The following ITPR2 variants were observed in gnomAD, a reference collection of about 807,000 sequenced individuals.
ITPR2 encodes inositol 1,4,5-trisphosphate receptor type 2, also known as inositol 1,4,5-trisphosphate-gated calcium channel ITPR2.
A neutral mutation model predicts 317.1 loss-of-function variants in ITPR2; 207 were observed. The ratio of observed to expected loss-of-function variants is 0.65; its 90% CI spans 0.58 to 0.73. ITPR2 has a LOEUF of 0.73. Ranked by LOEUF, ITPR2 falls within the 30% of genes least tolerant of loss-of-function variation. ITPR2 has a pLI of 0.00. For synonymous variants in ITPR2, 1,156 were observed against 1,149.1 expected, an observed-to-expected ratio of 1.01 and a Z score of -0.12; for missense variants, 2,613 against 3,284.0, an observed-to-expected ratio of 0.80 and a Z score of 4.99.
chr12:26,784,347 C>CCGCGG (rs1950163532), intron 2 of ITPR2, among the ~76,000 whole-genome samples: 1 of 47,062 alleles, frequency 2.1e-5, no homozygotes, highest in Non-Finnish European at 6.5e-5. Context: ...CCCTCTCCCT[C>CCGCGG]TCCCTCTCCC....
At chr12:26,380,071 A>G (rs1342431766) in intron 55 of ITPR2, among the ~76,000 whole-genome samples, 2 of 152,130 alleles carry the variant, frequency 1.3e-5, no homozygotes, top group African/African-American at 4.8e-5. Context: ...TGGCAATTCT[A>G]CCCATGAAAA....
At chr12:26,666,291 A>C (rs7302426) in intron 13 of ITPR2, among the ~76,000 whole-genome samples, 51,837 of 152,076 alleles carry the variant, frequency 0.34, 9,719 homozygotes, top group East Asian at 0.64. Context: ...GACAAAAGAT[A>C]ATCTCTAAGG....
intron 1 of ITPR2, among the ~76,000 whole-genome samples, chr12:26,823,457 T>C (rs773541918): frequency 6.6e-5 from 10 of 152,118 alleles, no homozygotes; most frequent in Non-Finnish European, 1.2e-4. Context: ...CAGATAACAA[T>C]TAAAGTAACA....
At chr12:26,556,566 T>TTTTGTGTGTG (rs370599538) in intron 35 of ITPR2, among the ~76,000 whole-genome samples, 191 bp from the exon 36 acceptor site, 16 of 136,194 alleles carry the variant, frequency 1.2e-4, no homozygotes, top group South Asian at 7.1e-4. Context: ...ATTTTTTTTT[T>TTTTGTGTGTG]TGTGTGTGTG....
At chr12:26,344,635 G>T (rs932297399) in intron 55 of ITPR2, among the ~76,000 whole-genome samples, 9 of 146,816 alleles carry the variant, frequency 6.1e-5, no homozygotes, top group Non-Finnish European at 1.1e-4. Flanking sequence ...TTGAGCCACA[G>T]AACTCCCTTT....
chr12:26,660,837 A>T (rs1231737782), intron 15 of ITPR2, among the ~76,000 whole-genome samples: 1 of 152,070 alleles, frequency 6.6e-6, no homozygotes, highest in Non-Finnish European at 1.5e-5. Context: ...TAATAAATAG[A>T]TCTTCAATAT....
At chr12:26,556,763 G>T (rs1225701879) in intron 35 of ITPR2, among the ~76,000 whole-genome samples, 1 of 134,412 alleles carries the variant, frequency 7.4e-6, no homozygotes, top group African/African-American at 2.7e-5. Context: ...GAATACCCAG[G>T]GAACAGCTTA....
chr12:26,627,999 A>C (rs756166979), intron 23 of ITPR2, 34 bp downstream of exon 23: 1 of 1,547,978 alleles, frequency 6.5e-7, no homozygotes, highest in Non-Finnish European at 8.7e-7. Context: ...AGAAAAATAA[A>C]ATAAAAAGAG....
chr12:26,783,610 G>A (rs1364036029), intron 2 of ITPR2, among the ~76,000 whole-genome samples: 3 of 152,042 alleles, frequency 2.0e-5, no homozygotes, highest in African/African-American at 7.2e-5. Flanking sequence ...ACAGGAAAAA[G>A]CAAAAGAATA....
At chr12:26,507,863 C>CTCTCTCTGTGTG (rs372756412) in intron 37 of ITPR2, among the ~76,000 whole-genome samples, 4 of 132,202 alleles carry the variant, frequency 3.0e-5, no homozygotes, top group African/African-American at 1.1e-4. Context: ...CTCTCTGTCT[C>CTCTCTCTGTGTG]TGTGTGTGTG....
At chr12:26,768,427 A>T (rs1197902637) in intron 2 of ITPR2, among the ~76,000 whole-genome samples, 4 of 60,046 alleles carry the variant, frequency 6.7e-5, no homozygotes, top group African/African-American at 1.5e-4. Context: ...AAAAAAATTA[A>T]AAAAAAATAA....
At chr12:26,771,791 G>A (rs1411353730) in intron 2 of ITPR2, among the ~76,000 whole-genome samples, 1 of 152,136 alleles carries the variant, frequency 6.6e-6, no homozygotes, top group African/African-American at 2.4e-5. Flanking sequence ...GGGATTACAG[G>A]CATAAGCCAC....
chr12:26,353,787 G>C (rs1209990099), intron 55 of ITPR2, among the ~76,000 whole-genome samples: 1 of 152,104 alleles, frequency 6.6e-6, no homozygotes, highest in Non-Finnish European at 1.5e-5. Flanking sequence ...CACTGTAGAT[G>C]ACTTATTAGA....
chr12:26,490,530 T>C (rs975068462), intron 39 of ITPR2, among the ~76,000 whole-genome samples: 1 of 152,106 alleles, frequency 6.6e-6, no homozygotes, highest in African/African-American at 2.4e-5. Flanking sequence ...GCGGCAGAAA[T>C]GGCCGGGCGC....
In ITPR2 at chr12:26,556,387, A is replaced by G; in HGVS notation, c.4822-12T>C. On this transcript the variant is annotated splice_polypyrimidine_tract_variant and intron_variant, in intron 35 of 56. Transcript: ENST00000381340. ...GAGGCCACTACATCCTAGGGAATGA[A>G]ACACAAGAGAACCCACATGAAGGCG... 6.2e-7 allele frequency: 1 copy of G among 1,605,110 alleles called. No individual in the cohort carries two copies. Among genetic ancestry groups the G allele is most frequent in the Middle Eastern group, 1.7e-4 (1 of 6,006 alleles).
rs1477756900 is a variant in ITPR2 at position 26,622,296 on chromosome 12, G to C, written c.3232C>G (p.Gln1078Glu). ...DYPPLLSGAL[Q>E]LLFKHFSQRA... ...TGGCTGAAGTGCTTAAACAACAGCT[G>C]CAGGGCTCCAGACAGCAAAGGCGGG... Residue 1078 changes from glutamine (Q) to glutamate (E), a missense_variant, in exon 25 of 57, where the codon CAG (glutamine) becomes GAG (glutamate). Coordinates refer to ENST00000381340, the MANE Select transcript of ITPR2 (RefSeq NM_002223.4). The C allele has an allele frequency of 6.2e-7, 1 of 1,614,024 alleles. No individual in the cohort carries two copies. The highest frequency in any genetic ancestry group is 1.3e-5 in the African/African-American group (1 of 75,026).
chr12:26,806,621 A>C (rs555736844), intron 1 of ITPR2, among the ~76,000 whole-genome samples: 1 of 152,374 alleles, frequency 6.6e-6, no homozygotes, highest in Non-Finnish European at 1.5e-5. Flanking sequence ...TTCGTTACTA[A>C]ACATGAAAAG....
At chr12:26,355,327 A>T (rs1938602959) in intron 55 of ITPR2, among the ~76,000 whole-genome samples, 1 of 152,222 alleles carries the variant, frequency 6.6e-6, no homozygotes, top group Admixed American at 6.5e-5. Context: ...AGAGACAAGG[A>T]CATTAGGTGA....
intron 5 of ITPR2, among the ~76,000 whole-genome samples, chr12:26,722,005 T>C (rs1197656511): frequency 6.6e-6 from 1 of 152,202 alleles, no homozygotes; most frequent in Non-Finnish European, 1.5e-5. Context: ...AATGGAATCC[T>C]GTCATGAATC....
Sources: allele counts gnomAD v4.1 joint callset (sites outside exome capture counted in the v4.1 genomes callset), GRCh38; gene constraint gnomAD v4.1.1; transcripts MANE v1.5; gene names NCBI Gene and HGNC (gene_info 2026-07-23, HGNC 2026-07-21).